STARD9: variants seen among roughly 807,000 people sequenced by gnomAD.
The protein encoded by STARD9 is StAR related lipid transfer domain containing 9, also known as stAR-related lipid transfer protein 9.
In STARD9, 346 loss-of-function variants were observed where a neutral mutation model predicts 399.8. That is an observed-to-expected ratio of 0.87 (90% CI 0.79 to 0.95). The LOEUF (loss-of-function observed/expected upper bound fraction) is 0.95, where lower values mean the gene tolerates loss of function less well. Among genes scored for constraint, STARD9 ranks in the 40% least tolerant of loss-of-function variants. The probability of loss-of-function intolerance (pLI) is 0.00; values close to 1 mark genes in which losing one functional copy is unlikely to be tolerated. For synonymous variants in STARD9, 2,203 were observed against 2,143.5 expected (o/e 1.03, Z -0.77); for missense variants, 5,832 against 5,667.5 (o/e 1.03, Z -0.93).
Position 42,663,342 on chromosome 15 carries a change from T to C in STARD9, c.930T>C (p.Gly310=), listed in dbSNP as rs1002297176. ...TCAACAGCTCAGTCAGCAATGGTGG[T>C]GACAGTGGGATCCTTAGCTCTCCTT... ...QSLNSSVSNG[G]DSGILSSPSG... The change falls in exon 12 of 33, where the codon GGT becomes GGC. Residue 310 remains glycine, a synonymous_variant. Transcript: ENST00000290607. 1.6e-5 allele frequency: 25 copies of C among 1,537,204 alleles called. No individual in the cohort carries two copies. In the African/African-American group the frequency reaches 2.9e-4, roughly 18 times the overall value.
intron 3 of STARD9, among the ~76,000 whole-genome samples, chr15:42,605,046 A>G (rs913089822): frequency 3.9e-5 from 6 of 152,160 alleles, no homozygotes; most frequent in African/African-American, 1.4e-4. Flanking sequence ...ATTTAACCTC[A>G]CAGCTTGGTG....
intron 32 of STARD9, 85 bp downstream of exon 32, chr15:42,718,995 C>G: frequency 1.5e-6 from 2 of 1,300,622 alleles, no homozygotes; most frequent in Non-Finnish European, 2.1e-6. Context: ...CGCTTTTGAA[C>G]ACCCTCCAGT....
intron 3 of STARD9, among the ~76,000 whole-genome samples, chr15:42,602,750 A>C (rs1387664209): frequency 1.3e-5 from 2 of 152,234 alleles, no homozygotes; most frequent in African/African-American, 4.8e-5. Context: ...TAAACGAAGA[A>C]GACTCGGCCA....
At chr15:42,607,952 T>G (rs1015861074) in intron 3 of STARD9, among the ~76,000 whole-genome samples, 1 of 152,220 alleles carries the variant, frequency 6.6e-6, no homozygotes, top group African/African-American at 2.4e-5. Context: ...AGTATATTTC[T>G]TAGTTGTCAC....
chr15:42,637,079 TAA>T (rs5812228), intron 4 of STARD9, among the ~76,000 whole-genome samples: 1 of 144,288 alleles, frequency 6.9e-6, no homozygotes, highest in African/African-American at 2.5e-5. Context: ...AAATAATAAT[TAA>T]AAAAAAAAAA....
intron 3 of STARD9, among the ~76,000 whole-genome samples, chr15:42,622,355 C>G (rs1372675539): frequency 6.6e-6 from 1 of 152,046 alleles, no homozygotes; most frequent in Non-Finnish European, 1.5e-5. Flanking sequence ...CTCTCCCTCT[C>G]TCTCTCTCTC....
At position 42,716,968 on chromosome 15, in the gene STARD9, A is replaced by G. The variant is rs182178868; in HGVS notation, c.13414A>G (p.Ser4472Gly). 42 of 1,537,234 alleles carry G rather than the reference A, an allele frequency of 2.7e-5. No homozygotes were observed. The East Asian group carries it at 4.9e-4, about 18-fold the overall frequency. Residue 4472 changes from serine (S) to glycine (G), a missense_variant, in exon 28 of 33, where the codon AGT (serine) becomes GGT (glycine). Ser to Gly is a moderately conservative substitution (Grantham distance 56). Transcript: ENST00000290607. ...GGGCAGTTGCTGCTGTTCACCATCC[A>G]GTCTGTCCAGCTTGGGGACCTGCTT... ...SLGSCCCSPS[S>G]LSSLGTCFSS...
intron 9 of STARD9, among the ~76,000 whole-genome samples, chr15:42,659,558 C>A (rs1015174991): frequency 6.6e-6 from 1 of 152,178 alleles, no homozygotes; most frequent in African/African-American, 2.4e-5. Flanking sequence ...TGGAGTCTCA[C>A]TCTGTTGCCC....
Position 42,688,563 on chromosome 15 carries a change from C to G in STARD9, c.6985C>G (p.Gln2329Glu). 1 of 1,537,772 alleles carries G rather than the reference C, an allele frequency of 6.5e-7. No homozygotes were observed. Among genetic ancestry groups the G allele is most frequent in the Non-Finnish European group, 8.7e-7 (1 of 1,147,048 alleles). Reference protein sequence around the residue: ...RTEFCTAPLHQDLSNTLPLNS... With the variant: ...RTEFCTAPLHEDLSNTLPLNS... The stretch of plus-strand genomic sequence containing the variant: ...AGAATTCTGTACAGCTCCTCTTCAC[C>G]AAGACCTGAGTAATACCTTGCCCTT... The change falls in exon 23 of 33, where the codon CAA (glutamine) becomes GAA (glutamate). Residue 2329 changes from glutamine (Q) to glutamate (E), a missense_variant. By Grantham distance (29) the Gln-to-Glu change is conservative. Coordinates refer to ENST00000290607, the MANE Select transcript of STARD9 (RefSeq NM_020759.3).
At chr15:42,704,487 G>A (rs2061033645) in intron 26 of STARD9, among the ~76,000 whole-genome samples, 1 of 152,172 alleles carries the variant, frequency 6.6e-6, no homozygotes, top group Non-Finnish European at 1.5e-5. Context: ...ATCTGGCCTT[G>A]TTTGTACCTG....
At chr15:42,711,772 A>G (rs920294720) in intron 26 of STARD9, among the ~76,000 whole-genome samples, 3 of 151,680 alleles carry the variant, frequency 2.0e-5, no homozygotes, top group Admixed American at 6.6e-5. Flanking sequence ...ACTAATGAAT[A>G]TTGCTGCTAT....
intron 8 of STARD9, among the ~76,000 whole-genome samples, chr15:42,652,026 C>T (rs150465738): frequency 6.6e-6 from 1 of 152,294 alleles, no homozygotes; most frequent in Non-Finnish European, 1.5e-5. Flanking sequence ...GATCTCATTT[C>T]CAAGATCTTT....
chr15:42,593,986 ATTT>A (rs1391681999), intron 3 of STARD9, among the ~76,000 whole-genome samples: 1 of 152,068 alleles, frequency 6.6e-6, no homozygotes, highest in East Asian at 1.9e-4. Context: ...TTGTTTTAAT[ATTT>A]ATTTGGTCTC....
intron 16 of STARD9, among the ~76,000 whole-genome samples, chr15:42,674,141 C>T (rs1204864746): frequency 1.3e-5 from 2 of 152,236 alleles, no homozygotes; most frequent in East Asian, 3.8e-4. Context: ...TAACTTTAGG[C>T]TGTGGGACAG....
Position 42,682,190 on chromosome 15 carries a change from GAGGCAT to G in STARD9, c.2153_2158del (p.Glu718_Ser720delinsAla). On this transcript the variant is annotated inframe_deletion, in exon 22 of 33. Coordinates refer to ENST00000290607, the MANE Select transcript of STARD9 (RefSeq NM_020759.3). ...AGACCAGGTAGCAGAGAAAGAACTT[GAGGCAT>G]CTGTGGCACTTGATGCTTGGCTTCA... The G allele has an allele frequency of 3.9e-6, 6 of 1,537,238 alleles. No homozygotes were observed. Among genetic ancestry groups the G allele is most frequent in the Non-Finnish European group, 5.2e-6 (6 of 1,146,898 alleles).
At chr15:42,669,637 G>T (rs929597941) in intron 16 of STARD9, 10 of 258,716 alleles carry the variant, frequency 3.9e-5, no homozygotes, top group Non-Finnish European at 7.6e-5. Flanking sequence ...AAGTAAGAAT[G>T]ATGCTTATCA....
chr15:42,676,033 G>GCTGTCATGGACTAAGA, intron 20 of STARD9, 58 bp downstream of exon 20: 1 of 725,362 alleles, frequency 1.4e-6, no homozygotes, highest in Non-Finnish European at 2.2e-6. Context: ...CTTAGTCCAT[G>GCTGTCATGGACTAAGA]ACAGCATGGA....
chr15:42,638,628 G>C lies in STARD9; in HGVS notation c.447-72G>C, dbSNP rs1048707720. 6 of 1,092,696 alleles carry C rather than the reference G, an allele frequency of 5.5e-6. No individual in the cohort carries two copies. The Admixed American group carries it at 1.3e-4, about 25-fold the overall frequency. 67.7% of individuals were successfully genotyped at this position (1,092,696 alleles called of 1,614,324 possible). A position where few individuals can be genotyped will look rare whatever the true frequency, so the allele number is the denominator to read the frequency against. On this transcript the variant is annotated intron_variant, in intron 6 of 32. Coordinates refer to ENST00000290607, the MANE Select transcript of STARD9 (RefSeq NM_020759.3). ...GCTGGAACAAGAACTAAGACCTCCTGATTTTTAGCTCAATGTTGTTTCTAC... is the reference window on the plus strand; with the variant it reads ...GCTGGAACAAGAACTAAGACCTCCTCATTTTTAGCTCAATGTTGTTTCTAC...
rs539879268 is a variant in STARD9 at position 42,669,189 on chromosome 15, A to G, written c.1349A>G (p.Lys450Arg). 9.8e-6 allele frequency: 15 copies of G among 1,536,168 alleles called. No homozygotes were observed. The South Asian group carries it at 1.7e-4, about 17-fold the overall frequency. Residue 450 changes from lysine (K) to arginine (R), a missense_variant, in exon 16 of 33, where the codon AAG (lysine) becomes AGG (arginine). Coordinates refer to ENST00000290607, the MANE Select transcript of STARD9 (RefSeq NM_020759.3). ...CAGCTGACTAAAGACTGGACCCAGA[A>G]GTGGAATGATTGGCAGGCCCTCATG... is the stretch of plus-strand genomic sequence containing the variant. ...IDQLTKDWTQ[K>R]WNDWQALMEH...
Sources: allele counts gnomAD v4.1 joint callset (sites outside exome capture counted in the v4.1 genomes callset), GRCh38; gene constraint gnomAD v4.1.1; transcripts MANE v1.5; gene names NCBI Gene and HGNC (gene_info 2026-07-23, HGNC 2026-07-21).